CPLX2: variants seen among roughly 807,000 people sequenced by gnomAD.
CPLX2 encodes complexin 2.
A neutral mutation model predicts 16.3 loss-of-function variants in CPLX2; 5 were observed. The observed-to-expected ratio is 0.31, with a 90% CI of 0.16 to 0.64. The LOEUF is 0.64. Ranked by LOEUF, CPLX2 falls within the 30% of genes least tolerant of loss-of-function variation. The pLI is 0.79. For synonymous variants in CPLX2, 89 were observed against 73.2 expected (o/e 1.22, Z -1.10); for missense variants, 144 against 181.4 (o/e 0.79, Z 1.18).
Position 175,850,510 on chromosome 5 carries a change from C to G in CPLX2, c.-88-28142C>G, listed in dbSNP as rs577104275. ...CTAGACTCTGGCCAACACACCTGCA[C>G]TTCCTCGGAACACCCCCTTGATGTT... On this transcript the variant is annotated intron_variant, in intron 2 of 4. Coordinates refer to the CPLX2 transcript ENST00000359546. 3.9e-5 allele frequency among the ~76,000 whole-genome samples: 6 copies of G among 152,328 alleles called. No homozygotes were observed. The South Asian group carries it at 1.2e-3, about 32-fold the overall frequency.
At position 175,881,437 on chromosome 5, in the gene CPLX2, T is replaced by C. The variant is rs752295262; in HGVS notation, c.*1392T>C. On this transcript the variant is annotated 3_prime_UTR_variant, in exon 4 of 4. Coordinates refer to ENST00000393745, the MANE Select transcript of CPLX2 (RefSeq NM_001008220.2). ...CCATCTCGTGTTTAGAGGCTGTATA[T>C]GTTAGCTTGTGTAAGAATGTGTTTT... 5.6e-4 allele frequency: 86 copies of C among 153,526 alleles called. No individual in the cohort carries two copies. The highest frequency in any genetic ancestry group is 1.0e-3 in the Non-Finnish European group (71 of 68,228). The allele number at this position is 153,526 out of a possible 1,614,324, so 9.5% of individuals were successfully genotyped here.
rs1013064522 is a variant in CPLX2, at chr5:175,826,248, T to C, written c.-89+17180T>C. Among the ~76,000 whole-genome samples the C allele has an allele frequency of 4.6e-5, 7 of 151,954 alleles. No individual in the cohort carries two copies. In the East Asian group the frequency reaches 1.4e-3, roughly 29 times the overall value. Reference sequence around the variant, plus strand: ...CCTTTGAGCTGAGCCTGGTAAGAAATGGGGAATTTCAGATAGTGTAGACAG... The same window carrying C: ...CCTTTGAGCTGAGCCTGGTAAGAAACGGGGAATTTCAGATAGTGTAGACAG... On this transcript the variant is annotated intron_variant, in intron 2 of 4. Transcript: ENST00000359546.
chr5:175,856,922 T>C (rs1217891172), intron 2 of CPLX2, among the ~76,000 whole-genome samples: 1 of 152,182 alleles, frequency 6.6e-6, no homozygotes, highest in Non-Finnish European at 1.5e-5. Context: ...GATCCTTCAC[T>C]GCGGACCTTG....
intron 2 of CPLX2, among the ~76,000 whole-genome samples, chr5:175,815,533 A>C (rs1316516091): frequency 6.6e-6 from 1 of 152,168 alleles, no homozygotes; most frequent in Non-Finnish European, 1.5e-5. Context: ...GGTTTGTTTA[A>C]ATGAAGGCCC....
At position 175,883,083 on chromosome 5, in the gene CPLX2, G is replaced by A. The variant is rs1365296203; in HGVS notation, c.*3038G>A. ...CACACAAGGGAGAGAACCCCCAGAT[G>A]AGAAAATAGGAAGGAGCAATCATTT... On this transcript the variant is annotated 3_prime_UTR_variant, in exon 4 of 4. Transcript: ENST00000393745. 6.6e-6 allele frequency: 1 copy of A among 152,324 alleles called. No homozygotes were observed. The highest frequency in any genetic ancestry group is 1.5e-5 in the Non-Finnish European group (1 of 68,100). 9.4% of individuals were successfully genotyped at this position (152,324 alleles called of 1,614,324 possible).
intron 2 of CPLX2, among the ~76,000 whole-genome samples, chr5:175,841,020 G>A (rs1355844230): frequency 6.6e-6 from 1 of 152,164 alleles, no homozygotes. Flanking sequence ...TGGGGAAACT[G>A]AGATTTGAAC....
At chr5:175,857,048 T>C (rs560737186) in intron 2 of CPLX2, among the ~76,000 whole-genome samples, 10 of 152,288 alleles carry the variant, frequency 6.6e-5, no homozygotes, top group Middle Eastern at 3.4e-3. Context: ...TACCTGCTTA[T>C]TAAAACCTCC....
upstream of CPLX2, among the ~76,000 whole-genome samples, chr5:175,870,766 G>A (rs1014208163): frequency 6.6e-6 from 1 of 152,192 alleles, no homozygotes; most frequent in Non-Finnish European, 1.5e-5. Context: ...TTTGCCAGAG[G>A]AGTCCTTATT....
At chr5:175,826,161 G>T (rs1265405013) in intron 2 of CPLX2, among the ~76,000 whole-genome samples, 1 of 152,132 alleles carries the variant, frequency 6.6e-6, no homozygotes, top group East Asian at 1.9e-4. Flanking sequence ...AGAACCCAGG[G>T]TGGGCGCCAC....
upstream of CPLX2, among the ~76,000 whole-genome samples, chr5:175,867,068 C>G (rs553876946): frequency 1.3e-5 from 2 of 152,204 alleles, no homozygotes; most frequent in Admixed American, 1.3e-4. Flanking sequence ...GAGCAAGACC[C>G]TGTATCTAAA....
chr5:175,879,958 G>A lies in CPLX2; in HGVS notation c.318G>A (p.Gly106=). Residue 106 remains glycine (G), a synonymous_variant, in exon 4 of 4, where the codon GGG becomes GGA. Transcript: ENST00000393745. ...AGAAGGCCATCCCTGCGGGCTGCGG[G>A]GACGAGGAGGAGGAGGAAGAGGAGA... is the stretch of plus-strand genomic sequence containing the variant. The part of the protein sequence containing the change: ...RPKKAIPAGC[G]DEEEEEEESI... 6.2e-7 allele frequency: 1 copy of A among 1,614,054 alleles called. No homozygotes were observed. The highest frequency in any genetic ancestry group is 8.5e-7 in the Non-Finnish European group (1 of 1,179,992).
At chr5:175,813,556 C>T (rs1758351110) in intron 2 of CPLX2, among the ~76,000 whole-genome samples, 2 of 152,252 alleles carry the variant, frequency 1.3e-5, no homozygotes, top group East Asian at 1.9e-4. Context: ...CGGTCTGGAA[C>T]AGTGTGGGGT....
At chr5:175,879,410 C>T (rs1236327719) in intron 3 of CPLX2, among the ~76,000 whole-genome samples, 1 of 152,252 alleles carries the variant, frequency 6.6e-6, no homozygotes, top group Non-Finnish European at 1.5e-5. Flanking sequence ...GTCCTAAGCA[C>T]TTTGTGCTGT....
chr5:175,863,552 C>T (rs1759409562), intron 2 of CPLX2, among the ~76,000 whole-genome samples: 1 of 152,218 alleles, frequency 6.6e-6, no homozygotes, highest in Non-Finnish European at 1.5e-5. Flanking sequence ...AATCACCTTC[C>T]CCCATGAGAG....
intron 2 of CPLX2, among the ~76,000 whole-genome samples, chr5:175,817,091 C>T (rs1025338669): frequency 1.3e-5 from 2 of 152,214 alleles, no homozygotes; most frequent in East Asian, 1.9e-4. Context: ...AGACCATGGC[C>T]GATAGCAAGT....
intron 2 of CPLX2, among the ~76,000 whole-genome samples, chr5:175,860,516 AAAAGAAAG>A (rs765708535): frequency 9.8e-4 from 21 of 21,352 alleles, no homozygotes; most frequent in South Asian, 9.2e-3. Context: ...GAAAGAAAGA[AAAAGAAAG>A]AAAGAAAGAA....
At chr5:175,851,685 G>A (rs6420086) in intron 2 of CPLX2, among the ~76,000 whole-genome samples, 142,326 of 152,160 alleles carry the variant, frequency 0.94, 66,615 homozygotes, top group East Asian at 0.98. Flanking sequence ...TCAAGACCAA[G>A]GTAGGCTTCT....
At chr5:175,852,944 G>A (rs1056165069) in intron 2 of CPLX2, among the ~76,000 whole-genome samples, 2 of 152,228 alleles carry the variant, frequency 1.3e-5, no homozygotes, top group East Asian at 3.9e-4. Flanking sequence ...ATGTCTGTGA[G>A]GAAGTCTCAG....
intron 2 of CPLX2, among the ~76,000 whole-genome samples, chr5:175,844,995 C>T (rs1012170266): frequency 2.0e-5 from 3 of 152,172 alleles, no homozygotes; most frequent in Non-Finnish European, 4.4e-5. Flanking sequence ...CTTTTGGCTG[C>T]CCCTCTGCCC....
Sources: gnomAD v4.1 joint callset for allele counts (sites outside exome capture counted in the v4.1 genomes callset) on GRCh38, gnomAD v4.1.1 for gene constraint, MANE v1.5 for transcripts, NCBI Gene and HGNC (gene_info 2026-07-23, HGNC 2026-07-21) for gene names.